Variants in ARL6IP5 observed in about 807,000 individuals in gnomAD.
The protein encoded by ARL6IP5 is PRA1 family protein 3.
A neutral mutation model predicts 13.0 loss-of-function variants in ARL6IP5; 6 were observed. The ratio of observed to expected loss-of-function variants is 0.46; its 90% CI spans 0.25 to 0.91. ARL6IP5 has a LOEUF of 0.91. Among genes scored for constraint, ARL6IP5 ranks in the 40% least tolerant of loss-of-function variants. ARL6IP5 has a pLI of 0.17. For synonymous variants in ARL6IP5, 91 were observed against 91.9 expected, an observed-to-expected ratio of 0.99 and a Z score of 0.06; for missense variants, 208 against 248.8, an observed-to-expected ratio of 0.84 and a Z score of 1.10.
chr3:69,087,765 C>A (rs2092252851), intron 1 of ARL6IP5, among the ~76,000 whole-genome samples: 2 of 150,470 alleles, frequency 1.3e-5, no homozygotes, highest in Middle Eastern at 3.2e-3. Context: ...TAAAACTTAT[C>A]CTTATTTTTA....
chr3:69,085,515 CCCGCCCGCGTGCCA>C (rs1485962090), intron 1 of ARL6IP5, among the ~76,000 whole-genome samples: 1 of 152,226 alleles, frequency 6.6e-6, no homozygotes, highest in African/African-American at 2.4e-5. Flanking sequence ...CCCCCCTGCC[CCCGCCCGCGTGCCA>C]GGATCGGGCT....
chr3:69,089,836 A>C, intron 1 of ARL6IP5: 1 of 456,638 alleles, frequency 2.2e-6, no homozygotes, highest in Non-Finnish European at 4.4e-6. Context: ...CTGCTGAAGG[A>C]ATGAGCCCAT....
intron 1 of ARL6IP5, among the ~76,000 whole-genome samples, chr3:69,100,606 C>A (rs2092301844): frequency 6.6e-6 from 1 of 151,916 alleles, no homozygotes; most frequent in South Asian, 2.1e-4. Context: ...ATGGCAAAAT[C>A]CCACCTGTAC....
rs1172289001 is a variant in ARL6IP5, at chr3:69,104,918, A to G, written c.*282A>G. On this transcript the variant is annotated 3_prime_UTR_variant, in exon 3 of 3. Coordinates refer to ENST00000273258, the MANE Select transcript of ARL6IP5 (RefSeq NM_006407.4). ...TCACACGATTTCTTTAAGGGAATTA[A>G]AAAAAATAAAAGAATTACGGCTTTT... 4.3e-5 allele frequency: 30 copies of G among 694,888 alleles called. No individual in the cohort carries two copies. The highest frequency in any genetic ancestry group is 8.4e-5 in the Admixed American group (4 of 47,880). The allele number at this position is 694,888 out of a possible 1,614,324, so 43.0% of individuals were successfully genotyped here.
intron 1 of ARL6IP5, among the ~76,000 whole-genome samples, chr3:69,087,799 A>G (rs931088308): frequency 6.6e-6 from 1 of 152,248 alleles, no homozygotes; most frequent in African/African-American, 2.4e-5. Context: ...GATACAGGCT[A>G]GTAGTAAAGG....
At chr3:69,087,168 G>A (rs1239578839) in intron 1 of ARL6IP5, among the ~76,000 whole-genome samples, 4 of 151,938 alleles carry the variant, frequency 2.6e-5, no homozygotes, top group Admixed American at 2.6e-4. Context: ...CCCCAGGTGC[G>A]TGCCACAAAG....
intron 1 of ARL6IP5, among the ~76,000 whole-genome samples, chr3:69,097,680 GATAAA>G (rs2092291302): frequency 6.6e-6 from 1 of 152,106 alleles, no homozygotes; most frequent in Non-Finnish European, 1.5e-5. Flanking sequence ...GCATAATCCA[GATAAA>G]ATAAAACAGA....
chr3:69,088,220 C>A (rs1268776520), intron 1 of ARL6IP5, among the ~76,000 whole-genome samples: 1 of 152,192 alleles, frequency 6.6e-6, no homozygotes. Flanking sequence ...CAGAACACTT[C>A]TCATTCTAAA....
chr3:69,099,735 T>C (rs1341737807), intron 1 of ARL6IP5, among the ~76,000 whole-genome samples: 1 of 152,162 alleles, frequency 6.6e-6, no homozygotes, highest in Admixed American at 6.6e-5. Flanking sequence ...ATCAGCAATG[T>C]TACTATTCAG....
At chr3:69,090,607 A>G (rs1253142541) in intron 1 of ARL6IP5, among the ~76,000 whole-genome samples, 2 of 152,234 alleles carry the variant, frequency 1.3e-5, no homozygotes, top group Non-Finnish European at 2.9e-5. Flanking sequence ...TTGAGTATGT[A>G]GACAGGAAAA....
At chr3:69,095,633 T>G (rs982556850) in intron 1 of ARL6IP5, among the ~76,000 whole-genome samples, 1 of 152,092 alleles carries the variant, frequency 6.6e-6, no homozygotes, top group Non-Finnish European at 1.5e-5. Flanking sequence ...CAGCTGGGAT[T>G]ACAGGCATGC....
intron 1 of ARL6IP5, chr3:69,100,198 A>T (rs1026585255): frequency 1.3e-5 from 2 of 152,186 alleles, no homozygotes; most frequent in East Asian, 3.9e-4. Flanking sequence ...AAGTGCTAGG[A>T]TTACAGGTGT....
chr3:69,101,767 A>T, intron 1 of ARL6IP5, 72 bp from the exon 2 acceptor site: 1 of 1,271,440 alleles, frequency 7.9e-7, no homozygotes, highest in Non-Finnish European at 1.1e-6. Flanking sequence ...AATTGTTTTT[A>T]CTCCTCTTTC....
intron 1 of ARL6IP5, among the ~76,000 whole-genome samples, chr3:69,093,582 G>A (rs906926576): frequency 6.6e-6 from 1 of 151,960 alleles, no homozygotes; most frequent in African/African-American, 2.4e-5. Context: ...GGCCAACATG[G>A]TGAAACATCG....
intron 1 of ARL6IP5, among the ~76,000 whole-genome samples, chr3:69,094,099 CA>C (rs1433334561): frequency 6.6e-6 from 1 of 152,154 alleles, no homozygotes; most frequent in Non-Finnish European, 1.5e-5. Flanking sequence ...CCTGAGATGG[CA>C]AAAGGCAAGG....
intron 1 of ARL6IP5, among the ~76,000 whole-genome samples, chr3:69,095,443 G>GTT (rs1272066522): frequency 1.3e-5 from 2 of 150,648 alleles, no homozygotes; most frequent in East Asian, 3.9e-4. Flanking sequence ...AAACATAACG[G>GTT]TTTTTGAGTT....
At position 69,105,769 on chromosome 3, in the gene ARL6IP5, A is replaced by G. The variant is rs892346106; in HGVS notation, c.*1133A>G. ...TCCTCCCTTTCTCATGTTTTTATAA[A>G]TAGGTAATAAAAAATGTTTTGCCTG... On this transcript the variant is annotated 3_prime_UTR_variant, in exon 3 of 3. Transcript: ENST00000273258. The G allele has an allele frequency of 6.6e-6, 1 of 152,228 alleles. No homozygotes were observed. Among genetic ancestry groups the G allele is most frequent in the African/African-American group, 2.4e-5 (1 of 41,464 alleles). The allele number at this position is 152,228 out of a possible 1,614,324, so 9.4% of individuals were successfully genotyped here.
chr3:69,099,448 G>C (rs370359484), intron 1 of ARL6IP5, among the ~76,000 whole-genome samples: 35 of 152,218 alleles, frequency 2.3e-4, no homozygotes, highest in African/African-American at 8.2e-4. Flanking sequence ...GAAATTTTTA[G>C]CTTTTTCAAA....
intron 1 of ARL6IP5, among the ~76,000 whole-genome samples, chr3:69,090,662 T>G (rs1238276579): frequency 6.6e-6 from 1 of 152,150 alleles, no homozygotes; most frequent in Non-Finnish European, 1.5e-5. Context: ...CTCAGATCCT[T>G]CTATTCCATT....
Sources: gnomAD v4.1 joint callset for allele counts (sites outside exome capture counted in the v4.1 genomes callset) on GRCh38, gnomAD v4.1.1 for gene constraint, MANE v1.5 for transcripts, NCBI Gene and HGNC (gene_info 2026-07-23, HGNC 2026-07-21) for gene names.